BAZ2B: variants seen among roughly 807,000 people sequenced by gnomAD.
BAZ2B encodes the protein bromodomain adjacent to zinc finger domain protein 2B.
In BAZ2B, 91 loss-of-function variants were observed where a neutral mutation model predicts 246.0. The ratio of observed to expected loss-of-function variants is 0.37; its 90% CI spans 0.31 to 0.44. The LOEUF is 0.44. BAZ2B is among the 20% of genes least tolerant of loss of function. The pLI, the probability that BAZ2B is intolerant of heterozygous loss-of-function variation, is 1.00. For missense variants in BAZ2B, 2,332 were observed against 2,533.7 expected, an observed-to-expected ratio of 0.92 and a Z score of 1.71; for synonymous variants, 855 against 860.0, an observed-to-expected ratio of 0.99 and a Z score of 0.10.
intron 6 of BAZ2B, among the ~76,000 whole-genome samples, chr2:159,442,616 C>T (rs761897705): frequency 1.3e-4 from 20 of 152,152 alleles, no homozygotes; most frequent in Non-Finnish European, 2.2e-4. Flanking sequence ...GCTATCCATC[C>T]TATAAAACTG....
intron 1 of BAZ2B, among the ~76,000 whole-genome samples, chr2:159,606,904 T>C (rs1693626883): frequency 6.8e-6 from 1 of 146,636 alleles, no homozygotes; most frequent in Admixed American, 7.4e-5. Context: ...TTTCATACTC[T>C]TTTTTAGTGG....
intron 25 of BAZ2B, among the ~76,000 whole-genome samples, chr2:159,377,812 C>CAAAAAAAAAAAAAAAAAAAA (rs35570732): frequency 4.2e-5 from 4 of 94,168 alleles, no homozygotes; most frequent in Non-Finnish European, 8.7e-5. Flanking sequence ...ACTCTGTCTC[C>CAAAAAAAAAAAAAAAAAAAA]AAAAAAAAAA....
At chr2:159,540,863 C>T (rs1024418195) in intron 2 of BAZ2B, among the ~76,000 whole-genome samples, 1 of 152,150 alleles carries the variant, frequency 6.6e-6, no homozygotes, top group Non-Finnish European at 1.5e-5. Flanking sequence ...CTAATGTTCA[C>T]TGTTGAAAAC....
At chr2:159,556,116 GAACAT>G (rs764245825) in intron 1 of BAZ2B, among the ~76,000 whole-genome samples, 2 of 152,124 alleles carry the variant, frequency 1.3e-5, no homozygotes, top group South Asian at 2.1e-4. Context: ...ACCCTAGGGT[GAACAT>G]AACATATTAA....
At chr2:159,342,662 C>T (rs1274046175) in intron 31 of BAZ2B, among the ~76,000 whole-genome samples, 5 of 151,966 alleles carry the variant, frequency 3.3e-5, no homozygotes, top group Non-Finnish European at 7.4e-5. Flanking sequence ...ACAATAGCTA[C>T]CAAACAAACA....
the BAZ2B span, among the ~76,000 whole-genome samples, chr2:159,663,289 C>T: frequency 6.6e-6 from 1 of 151,388 alleles, no homozygotes; most frequent in Non-Finnish European, 1.5e-5. Flanking sequence ...GCAACCTCCG[C>T]CTCCCAGGCT....
chr2:159,455,447 A>G (rs2075615021), intron 3 of BAZ2B, among the ~76,000 whole-genome samples: 1 of 152,148 alleles, frequency 6.6e-6, no homozygotes, highest in African/African-American at 2.4e-5. Flanking sequence ...ATATAAGGAA[A>G]AAGTTCTGAT....
chr2:159,528,961 T>TG (rs1370705865), intron 2 of BAZ2B, among the ~76,000 whole-genome samples: 105 of 22,532 alleles, frequency 4.7e-3, no homozygotes, highest in African/African-American at 0.019. Flanking sequence ...GGGCCTGTTG[T>TG]GGGGGGGTGG....
chr2:159,424,690 C>T (rs2069452712), intron 13 of BAZ2B, among the ~76,000 whole-genome samples: 4 of 152,136 alleles, frequency 2.6e-5, no homozygotes, highest in Admixed American at 2.6e-4. Context: ...CAGGACCTCC[C>T]TCTATGAATA....
chr2:159,511,989 T>C (rs948881621), intron 2 of BAZ2B, among the ~76,000 whole-genome samples: 3 of 152,064 alleles, frequency 2.0e-5, no homozygotes, highest in Non-Finnish European at 4.4e-5. Flanking sequence ...TTTGAAAAAA[T>C]AGCATAAAAT....
At chr2:159,329,516 A>G (rs1301114544) in intron 34 of BAZ2B, among the ~76,000 whole-genome samples, 1 of 152,160 alleles carries the variant, frequency 6.6e-6, no homozygotes, top group East Asian at 1.9e-4. Flanking sequence ...TGATCCTGTG[A>G]TCACATATAT....
chr2:159,637,902 G>A, the BAZ2B span, among the ~76,000 whole-genome samples: 9,142 of 152,266 alleles, frequency 0.06, 327 homozygotes, highest in East Asian at 0.14. Flanking sequence ...TTGGCTCCCA[G>A]ACAGCATCTC....
At chr2:159,343,726 T>C (rs2067174184) in intron 31 of BAZ2B, among the ~76,000 whole-genome samples, 1 of 149,656 alleles carries the variant, frequency 6.7e-6, no homozygotes, top group Non-Finnish European at 1.5e-5. Context: ...GAATGGCTAT[T>C]ATCAAAAAGA....
chr2:159,357,236 T>A (rs917265590), intron 27 of BAZ2B, among the ~76,000 whole-genome samples: 1 of 151,388 alleles, frequency 6.6e-6, no homozygotes, highest in African/African-American at 2.4e-5. Flanking sequence ...TGAAAAAAGG[T>A]TAGAGGAATG....
chr2:159,326,244 G>T (rs77795624), intron 34 of BAZ2B, among the ~76,000 whole-genome samples: 6 of 152,154 alleles, frequency 3.9e-5, no homozygotes, highest in East Asian at 3.9e-4. Context: ...AGATACAAAA[G>T]AATTCTCTTT....
intron 27 of BAZ2B, among the ~76,000 whole-genome samples, chr2:159,352,337 C>T (rs1339647961): frequency 2.6e-5 from 4 of 151,984 alleles, no homozygotes; most frequent in Non-Finnish European, 4.4e-5. Context: ...AAATTAGGAC[C>T]CCCCATTCAT....
At chr2:159,587,766 T>C (rs1688374685) in intron 1 of BAZ2B, among the ~76,000 whole-genome samples, 2 of 152,204 alleles carry the variant, frequency 1.3e-5, no homozygotes, top group African/African-American at 4.8e-5. Context: ...CCTACTAGTC[T>C]GCGAACAGAA....
At chr2:159,474,461 A>G (rs1300049357) in intron 3 of BAZ2B, among the ~76,000 whole-genome samples, 1 of 152,112 alleles carries the variant, frequency 6.6e-6, no homozygotes, top group Non-Finnish European at 1.5e-5. Context: ...TTTGCCCATG[A>G]GATGGGGCTC....
chr2:159,531,387 T>C (rs192877997), intron 2 of BAZ2B, among the ~76,000 whole-genome samples: 209 of 152,326 alleles, frequency 1.4e-3, no homozygotes, highest in African/African-American at 3.9e-3. Flanking sequence ...GCAAACCAAC[T>C]GAGAAATATT....
Sources: allele counts gnomAD v4.1 joint callset (sites outside exome capture counted in the v4.1 genomes callset), GRCh38; gene constraint gnomAD v4.1.1; transcripts MANE v1.5; gene names NCBI Gene and HGNC (gene_info 2026-07-23, HGNC 2026-07-21).